Variants in RAB2A observed in about 807,000 individuals in gnomAD.
RAB2A encodes ras-related protein Rab-2A.
A neutral mutation model predicts 32.5 loss-of-function variants in RAB2A; 7 were observed. That is an observed-to-expected ratio of 0.22 (90% CI 0.12 to 0.40). RAB2A has a LOEUF of 0.40. RAB2A is among the 10% of genes least tolerant of loss of function. The pLI is 1.00. For synonymous variants in RAB2A, 79 were observed against 85.2 expected (o/e 0.93, Z 0.40); for missense variants, 108 against 260.7 (o/e 0.41, Z 4.03).
chr8:60,609,570 T>C (rs1205878190), intron 6 of RAB2A, among the ~76,000 whole-genome samples: 1 of 152,212 alleles, frequency 6.6e-6, no homozygotes, highest in South Asian at 2.1e-4. Flanking sequence ...CTTCCTTCAG[T>C]CTTTCATTCT....
At chr8:60,527,935 G>A (rs1484750538) in intron 1 of RAB2A, among the ~76,000 whole-genome samples, 1 of 152,164 alleles carries the variant, frequency 6.6e-6, no homozygotes, top group East Asian at 1.9e-4. Flanking sequence ...GGTGAGGAAA[G>A]GGACACTGGT....
chr8:60,545,074 G>A (rs1807707000), intron 1 of RAB2A, among the ~76,000 whole-genome samples: 1 of 152,124 alleles, frequency 6.6e-6, no homozygotes, highest in Non-Finnish European at 1.5e-5. Flanking sequence ...AATTAAAGCT[G>A]TTTGGCTTGT....
chr8:60,554,633 A>G (rs73259460), intron 1 of RAB2A, among the ~76,000 whole-genome samples: 5,781 of 152,236 alleles, frequency 0.038, 331 homozygotes, highest in African/African-American at 0.13. Context: ...ATCACTGACT[A>G]ATTTATAGAA....
chr8:60,615,283 G>A (rs1220292594), intron 6 of RAB2A, among the ~76,000 whole-genome samples: 1 of 152,172 alleles, frequency 6.6e-6, no homozygotes, highest in East Asian at 1.9e-4. Context: ...TAGGTATTGT[G>A]CTAGAGATTC....
At chr8:60,548,773 T>C (rs1476220500) in intron 1 of RAB2A, among the ~76,000 whole-genome samples, 11 of 101,516 alleles carry the variant, frequency 1.1e-4, no homozygotes, top group African/African-American at 3.3e-4. Context: ...GGGGGGCTGA[T>C]CCCCCCACCT....
chr8:60,541,286 C>CT (rs1274545203), intron 1 of RAB2A, among the ~76,000 whole-genome samples: 5 of 115,076 alleles, frequency 4.3e-5, no homozygotes, highest in African/African-American at 2.1e-4. Flanking sequence ...CCAAGAGGAA[C>CT]CTTAAAGAAG....
rs1269521572 is a variant in RAB2A at position 60,526,028 on chromosome 8, T to C, written c.46+8775T>C. Among the ~76,000 whole-genome samples the C allele has an allele frequency of 8.2e-3, 741 of 90,592 alleles. 12 individuals are homozygous for C. Among genetic ancestry groups the C allele is most frequent in the African/African-American group, 0.041 (702 of 17,010 alleles). 59.4% of individuals were successfully genotyped at this position (90,592 alleles called of 152,430 possible). ...ATATATGTGTGTGTGTACATATATA[T>C]ATATATATATATATATATATATATA... On this transcript the variant is annotated intron_variant, in intron 1 of 7. Coordinates refer to ENST00000262646, the MANE Select transcript of RAB2A (RefSeq NM_002865.3).
rs921827102 is a variant in RAB2A, at chr8:60,568,516, C to T, written c.119-3530C>T. Among the ~76,000 whole-genome samples, 50 of 152,102 alleles carry T rather than the reference C, an allele frequency of 3.3e-4. No homozygotes were observed. In the Middle Eastern group the frequency reaches 0.02, roughly 62 times the overall value. On this transcript the variant is annotated intron_variant, in intron 2 of 7. Coordinates refer to ENST00000262646, the MANE Select transcript of RAB2A (RefSeq NM_002865.3). ...CATCCTTTTAATCTTAAAAAAAAAT[C>T]TCATGAGATAGGTATTATGAATACC...
At chr8:60,607,090 G>C (rs1804245032) in intron 6 of RAB2A, among the ~76,000 whole-genome samples, 1 of 148,296 alleles carries the variant, frequency 6.7e-6, no homozygotes, top group South Asian at 2.1e-4. Flanking sequence ...TGCCTCATAA[G>C]ACTTTTCTTT....
chr8:60,567,316 A>G (rs966901564), intron 2 of RAB2A, among the ~76,000 whole-genome samples: 30 of 152,190 alleles, frequency 2.0e-4, no homozygotes, highest in Non-Finnish European at 8.8e-5. Flanking sequence ...GGGTTTTACC[A>G]TGTTGACCAG....
intron 2 of RAB2A, among the ~76,000 whole-genome samples, chr8:60,565,417 C>CAAAAAAAAA (rs34983530): frequency 9.0e-6 from 1 of 111,374 alleles, no homozygotes; most frequent in African/African-American, 3.1e-5. Flanking sequence ...AGACCTGCCT[C>CAAAAAAAAA]AAAAAAAAAA....
At chr8:60,606,442 C>G (rs1804233755) in intron 6 of RAB2A, among the ~76,000 whole-genome samples, 1 of 152,172 alleles carries the variant, frequency 6.6e-6, no homozygotes, top group Non-Finnish European at 1.5e-5. Context: ...GATATTCCAA[C>G]TGTTTTGCTC....
intron 1 of RAB2A, among the ~76,000 whole-genome samples, chr8:60,519,438 C>T (rs940416985): frequency 6.6e-6 from 1 of 152,202 alleles, no homozygotes; most frequent in African/African-American, 2.4e-5. Flanking sequence ...CACAATCTCT[C>T]CCTGTGGAAG....
intron 5 of RAB2A, among the ~76,000 whole-genome samples, chr8:60,590,584 T>TA (rs1803925600): frequency 9.5e-6 from 1 of 104,808 alleles, no homozygotes; most frequent in Non-Finnish European, 2.0e-5. Context: ...AATATATGTA[T>TA]TTTATATATA....
intron 6 of RAB2A, among the ~76,000 whole-genome samples, chr8:60,599,308 G>A (rs1022508520): frequency 6.6e-6 from 1 of 152,058 alleles, no homozygotes; most frequent in Non-Finnish European, 1.5e-5. Context: ...AAATAGAGAG[G>A]CATACTATGC....
intron 6 of RAB2A, among the ~76,000 whole-genome samples, chr8:60,607,168 A>G (rs865866378): frequency 1.0e-3 from 145 of 141,240 alleles, no homozygotes; most frequent in African/African-American, 3.7e-3. Context: ...AGTGGCTCAC[A>G]CCTGTAATCC....
intron 1 of RAB2A, chr8:60,552,001 GT>G (rs78161048): frequency 1.5e-3 from 169 of 109,754 alleles, no homozygotes; most frequent in Middle Eastern, 4.9e-3. Context: ...GTAGCTGGGA[GT>G]TTTTTTTTTT....
At chr8:60,592,155 C>G in intron 6 of RAB2A, 186 bp downstream of exon 6, 1 of 382,274 alleles carries the variant, frequency 2.6e-6, no homozygotes. Context: ...TCATATTGAG[C>G]CTTCTAAAGC....
At chr8:60,589,764 A>C (rs911680809) in intron 5 of RAB2A, among the ~76,000 whole-genome samples, 5 of 152,204 alleles carry the variant, frequency 3.3e-5, no homozygotes, top group African/African-American at 1.2e-4. Context: ...TATATCGTCA[A>C]GTACTATGGC....
Sources: gnomAD v4.1 joint callset for allele counts (sites outside exome capture counted in the v4.1 genomes callset) on GRCh38, gnomAD v4.1.1 for gene constraint, MANE v1.5 for transcripts, NCBI Gene and HGNC (gene_info 2026-07-23, HGNC 2026-07-21) for gene names.